The following EEF2 variants were observed in gnomAD, a reference collection of about 807,000 sequenced individuals.
EEF2 encodes the protein elongation factor 2.
Under a neutral mutation model 85.3 loss-of-function variants are expected in EEF2, and 21 were observed. The ratio of observed to expected loss-of-function variants is 0.25; its 90% CI spans 0.17 to 0.35. The LOEUF is 0.35. Ranked by LOEUF, EEF2 falls within the 10% of genes least tolerant of loss-of-function variation. The pLI, the probability that EEF2 is intolerant of heterozygous loss-of-function variation, is 1.00. For synonymous variants in EEF2, 723 were observed against 508.8 expected, an observed-to-expected ratio of 1.42 and a Z score of -5.67; for missense variants, 825 against 1,225.3, an observed-to-expected ratio of 0.67 and a Z score of 4.88.
chr19:3,984,375 C>A (rs1452669190), intron 1 of EEF2, 25 bp from the exon 2 acceptor site: 3 of 1,608,366 alleles, frequency 1.9e-6, no homozygotes, highest in African/African-American at 1.3e-5. Flanking sequence ...GAGGCTCAGA[C>A]CAGCTCGTGA....
At chr19:3,980,173 G>A (rs1469114027) in intron 9 of EEF2, 107 bp from the exon 10 acceptor site, 2 of 1,467,898 alleles carry the variant, frequency 1.4e-6, no homozygotes, top group Non-Finnish European at 9.1e-7. Context: ...CCAGGTCCCA[G>A]GGCAGACTGG....
intron 1 of EEF2, chr19:3,985,151 C>A (rs1159330274): frequency 1.2e-5 from 5 of 428,816 alleles, no homozygotes; most frequent in Non-Finnish European, 2.0e-5. Flanking sequence ...CCAGCTCCAA[C>A]CAGGTCTGGG....
At chr19:3,979,502 G>A in intron 10 of EEF2, 66 bp from the exon 11 acceptor site, 3 of 1,420,202 alleles carry the variant, frequency 2.1e-6, no homozygotes, top group South Asian at 2.4e-5. Context: ...CAGGCTCCCA[G>A]CTTCCCTTTA....
In EEF2 at chr19:3,982,020, TTGC is replaced by T. The variant is rs761907521; in HGVS notation, c.821_823del (p.Ser274del). ...CTTCCCTTCGGGGCTGGTGGCTGAC[TTGC>T]TGAACTTGCCGTTGGCTGGGTCAAA... On this transcript the variant is annotated inframe_deletion, in exon 6 of 15. Coordinates refer to ENST00000309311, the MANE Select transcript of EEF2 (RefSeq NM_001961.4). 1 of 1,614,156 alleles carries T rather than the reference TTGC, an allele frequency of 6.2e-7. No homozygotes were observed. Among genetic ancestry groups the T allele is most frequent in the South Asian group, 1.1e-5 (1 of 91,082 alleles).
rs538946476 is a variant in EEF2 at position 3,985,395 on chromosome 19, G to A, written c.-15C>T. 3 of 1,510,906 alleles carry A rather than the reference G, an allele frequency of 2.0e-6. No homozygotes were observed. Among genetic ancestry groups the A allele is most frequent in the Admixed American group, 4.3e-5 (2 of 46,816 alleles). The allele number at this position is 1,510,906 out of a possible 1,614,324, so 93.6% of individuals were successfully genotyped here. A position where few individuals can be genotyped will look rare whatever the true frequency, so the allele number is the denominator to read the frequency against. On this transcript the variant is annotated 5_prime_UTR_variant, in exon 1 of 15. Transcript: ENST00000309311. The stretch of plus-strand genomic sequence containing the variant: ...TTACTCACCATGGTGGCGGATGGCG[G>A]TGGATTCTCCCAGGTAGAACCGAAA...
At chr19:3,983,948 G>C in intron 2 of EEF2, 188 bp downstream of exon 2, 2 of 640,806 alleles carry the variant, frequency 3.1e-6, no homozygotes, top group Non-Finnish European at 5.3e-6. Flanking sequence ...CTTCCAGCTC[G>C]CAGTACCCCG....
intron 1 of EEF2, chr19:3,984,923 A>G: frequency 5.6e-6 from 1 of 178,070 alleles, no homozygotes; most frequent in Non-Finnish European, 1.2e-5. Flanking sequence ...TAACAGCATC[A>G]GGAGAAGGTA....
At position 3,979,823 on chromosome 19, in the gene EEF2, G is replaced by C; in HGVS notation, c.1590C>G (p.Ser530=). ...LVEGLKRLAK[S]DPMVQCIIEE... ...CCGTGCCCACCTGCACCATGGGGTC[G>C]GACTTGGCCAGCCGCTTCAGCCCCT... Residue 530 remains serine, a synonymous_variant, in exon 10 of 15, where the codon TCC becomes TCG. Transcript: ENST00000309311. The C allele has an allele frequency of 6.2e-7, 1 of 1,613,012 alleles. No homozygotes were observed.
At chr19:3,984,383 T>G (rs752027727) in intron 1 of EEF2, 33 bp from the exon 2 acceptor site, 1 of 1,604,914 alleles carries the variant, frequency 6.2e-7, no homozygotes, top group South Asian at 1.1e-5. Context: ...GACCAGCTCG[T>G]GATTTCCAGG....
intron 1 of EEF2, chr19:3,984,962 T>G (rs2039801399): frequency 4.9e-6 from 1 of 202,476 alleles, no homozygotes; most frequent in Non-Finnish European, 9.2e-6. Flanking sequence ...GCCTTTCAGG[T>G]GTCGCTTTGC....
In EEF2 at chr19:3,980,532, T is replaced by C. The variant is rs1214326179; in HGVS notation, c.1328A>G (p.Tyr443Cys). 1.2e-6 allele frequency: 2 copies of C among 1,613,706 alleles called. No homozygotes were observed. The highest frequency in any genetic ancestry group is 1.7e-6 in the Non-Finnish European group (2 of 1,179,774). Residue 443 changes from tyrosine to cysteine, a missense_variant, in exon 9 of 15, where the codon TAC becomes TGC. Coordinates refer to ENST00000309311, the MANE Select transcript of EEF2 (RefSeq NM_001961.4). ...TGCTCACCTCTGGATTGGCTTCAGG[T>C]AGAGGTCCTCCTTCTTCCCAGGGGT... ...NYTPGKKEDL[Y>C]LKPIQRTILM...
At chr19:3,978,300 C>T (rs1223918293) in intron 11 of EEF2, 128 bp from the exon 12 acceptor site, 5 of 754,642 alleles carry the variant, frequency 6.6e-6, no homozygotes, top group Non-Finnish European at 1.0e-5. Context: ...TCAATCAGAA[C>T]GAAGCGGAGT....
chr19:3,980,431 C>G, intron 9 of EEF2, 83 bp downstream of exon 9: 1 of 1,482,344 alleles, frequency 6.7e-7, no homozygotes, highest in Non-Finnish European at 9.1e-7. Context: ...TTACTTCTAG[C>G]TCCCGACTGA....
At chr19:3,980,110 G>C (rs1335545022) in intron 9 of EEF2, 44 bp from the exon 10 acceptor site, 2 of 1,589,694 alleles carry the variant, frequency 1.3e-6, no homozygotes, top group Non-Finnish European at 1.7e-6. Context: ...GGATGGTTGT[G>C]CTGGACCCTG....
chr19:3,981,236 C>A, intron 7 of EEF2, 103 bp downstream of exon 7: 1 of 1,200,920 alleles, frequency 8.3e-7, no homozygotes, highest in Non-Finnish European at 1.2e-6. Flanking sequence ...CAGCAGCTGT[C>A]CCTGCCCAGC....
chr19:3,982,119 C>G, intron 5 of EEF2, 67 bp from the exon 6 acceptor site: 3 of 1,602,578 alleles, frequency 1.9e-6, no homozygotes, highest in Non-Finnish European at 2.6e-6. Context: ...AGGGTGGTCG[C>G]CAAGGGGACA....
chr19:3,985,386 C>T lies in EEF2; in HGVS notation c.-6G>A, dbSNP rs371668422. On this transcript the variant is annotated 5_prime_UTR_variant, in exon 1 of 15. Coordinates refer to ENST00000309311, the MANE Select transcript of EEF2 (RefSeq NM_001961.4). ...GAGGCAGGGTTACTCACCATGGTGG[C>T]GGATGGCGGTGGATTCTCCCAGGTA... 7 of 1,512,298 alleles carry T rather than the reference C, an allele frequency of 4.6e-6. No individual in the cohort carries two copies. Among genetic ancestry groups the T allele is most frequent in the African/African-American group, 1.4e-5 (1 of 70,076 alleles). 93.7% of individuals were successfully genotyped at this position (1,512,298 alleles called of 1,614,324 possible). A position where few individuals can be genotyped will look rare whatever the true frequency, so the allele number is the denominator to read the frequency against.
Position 3,979,518 on chromosome 19 carries a change from G to A in EEF2, c.1606-82C>T, listed in dbSNP as rs1018951263. On this transcript the variant is annotated intron_variant, in intron 10 of 14. Coordinates refer to ENST00000309311, the MANE Select transcript of EEF2 (RefSeq NM_001961.4). ...AGGCTCCCAGCTTCCCTTTAGCTAG[G>A]GACCCCGCCAGAACAAGATTTCAGG... 1.0e-5 allele frequency: 13 copies of A among 1,239,810 alleles called. No individual in the cohort carries two copies. In the Admixed American group the frequency reaches 1.7e-4, roughly 16 times the overall value. 76.8% of individuals were successfully genotyped at this position (1,239,810 alleles called of 1,614,324 possible). A position where few individuals can be genotyped will look rare whatever the true frequency, so the allele number is the denominator to read the frequency against.
chr19:3,985,165 G>C (rs891022086), intron 1 of EEF2: 1 of 473,798 alleles, frequency 2.1e-6, no homozygotes, highest in South Asian at 8.2e-5. Context: ...GTCTGGGCAA[G>C]GTTATGGCGC....
Sources: gnomAD v4.1 joint callset for allele counts on GRCh38, gnomAD v4.1.1 for gene constraint, MANE v1.5 for transcripts, NCBI Gene and HGNC (gene_info 2026-07-23, HGNC 2026-07-21) for gene names.